The following POLR1D variants were observed in gnomAD, a reference collection of about 807,000 sequenced individuals.
The protein encoded by POLR1D is DNA-directed RNA polymerases I and III subunit RPAC2.
POLR1D carries 8 observed loss-of-function variants against 10.8 expected under a neutral mutation model. That is an observed-to-expected ratio of 0.74 (90% CI 0.43 to 1.33). The LOEUF is 1.33. POLR1D is among the 40% of genes most tolerant of loss of function. POLR1D has a pLI of 0.01. For missense variants in POLR1D, 152 were observed against 161.7 expected (o/e 0.94, Z 0.32); for synonymous variants, 54 against 57.2 (o/e 0.94, Z 0.25).
At chr13:27,658,148 T>C (rs2138569041) in intron 2 of POLR1D, among the ~76,000 whole-genome samples, 1 of 152,374 alleles carries the variant, frequency 6.6e-6, no homozygotes, top group South Asian at 2.1e-4. Context: ...TGCCCCACTA[T>C]CAGTGATTAT....
chr13:27,651,977 T>G (rs1956270880), intron 2 of POLR1D, among the ~76,000 whole-genome samples: 1 of 152,214 alleles, frequency 6.6e-6, no homozygotes, highest in African/African-American at 2.4e-5. Flanking sequence ...TCCTCTGTGC[T>G]TTACAGAAAT....
At chr13:27,625,959 C>G (rs1956004653), downstream of POLR1D, among the ~76,000 whole-genome samples, 1 of 152,058 alleles carries the variant, frequency 6.6e-6, no homozygotes, top group Non-Finnish European at 1.5e-5. Context: ...GTTTGGTTTT[C>G]CAATAAAAGA....
At chr13:27,646,824 CTG>C (rs1355380608) in intron 1 of POLR1D, among the ~76,000 whole-genome samples, 3 of 152,096 alleles carry the variant, frequency 2.0e-5, no homozygotes, top group Non-Finnish European at 4.4e-5. Context: ...ATTTAGAAGA[CTG>C]TTGTATTTAA....
downstream of POLR1D, among the ~76,000 whole-genome samples, chr13:27,627,146 A>T (rs1396407452): frequency 6.6e-6 from 1 of 152,204 alleles, no homozygotes; most frequent in African/African-American, 2.4e-5. Context: ...TAGGAAGTTT[A>T]CCCAAATCTA....
Position 27,621,924 on chromosome 13 carries a change from C to G in POLR1D, c.-60C>G. The G allele has an allele frequency of 1.3e-6, 2 of 1,551,776 alleles. No homozygotes were observed. Among genetic ancestry groups the G allele is most frequent in the South Asian group, 1.2e-5 (1 of 85,210 alleles). On this transcript the variant is annotated 5_prime_UTR_variant, in exon 1 of 2. Coordinates refer to ENST00000302979, the MANE Select transcript of POLR1D (RefSeq NM_015972.4). ...TCCTGCTTCGCCTCCGCGCCTCGCG[C>G]TATGGGACAGAGCCCCCGATCCGCC...
chr13:27,652,907 A>ACTT (rs1365436145), intron 2 of POLR1D, among the ~76,000 whole-genome samples: 3 of 78,528 alleles, frequency 3.8e-5, no homozygotes, highest in Admixed American at 1.2e-4. Flanking sequence ...TGCATTTACC[A>ACTT]TTTCTTTTTT....
chr13:27,637,140 G>C (rs887936303), intron 1 of POLR1D, among the ~76,000 whole-genome samples: 23 of 152,106 alleles, frequency 1.5e-4, no homozygotes, highest in Non-Finnish European at 3.1e-4. Flanking sequence ...ATTACTCTCT[G>C]TGGTTTCTTT....
chr13:27,646,038 A>G (rs549602396), intron 1 of POLR1D, among the ~76,000 whole-genome samples: 2 of 152,318 alleles, frequency 1.3e-5, no homozygotes, highest in Admixed American at 1.3e-4. Flanking sequence ...ATAAGTTTCT[A>G]TAGTCTGGTC....
At chr13:27,650,132 A>G (rs1282237119) in intron 2 of POLR1D, 2 of 398,144 alleles carry the variant, frequency 5.0e-6, no homozygotes, top group Non-Finnish European at 8.9e-6. Context: ...TGAAGAGGAC[A>G]TGCTACCCTC....
At chr13:27,651,087 G>A (rs1201937868) in intron 2 of POLR1D, 3 of 152,142 alleles carry the variant, frequency 2.0e-5, no homozygotes, top group Admixed American at 2.0e-4. Flanking sequence ...GATGCAAGAA[G>A]AGCAAACCAC....
chr13:27,621,730 C>T, upstream of POLR1D: 1 of 310,582 alleles, frequency 3.2e-6, no homozygotes, highest in African/African-American at 2.2e-5. Flanking sequence ...AGTGGCCTCG[C>T]GTGGTCGCCC....
chr13:27,621,913 C>T lies in POLR1D; in HGVS notation c.-71C>T, dbSNP rs1459732978. 6.0e-6 allele frequency: 9 copies of T among 1,511,610 alleles called. No homozygotes were observed. The highest frequency in any genetic ancestry group is 2.4e-5 in the South Asian group (2 of 83,980). 93.6% of individuals were successfully genotyped at this position (1,511,610 alleles called of 1,614,324 possible). A position where few individuals can be genotyped will look rare whatever the true frequency, so the allele number is the denominator to read the frequency against. The stretch of plus-strand genomic sequence containing the variant: ...CGGTCCTTGCTTCCTGCTTCGCCTC[C>T]GCGCCTCGCGCTATGGGACAGAGCC... On this transcript the variant is annotated 5_prime_UTR_variant, in exon 1 of 2. Transcript: ENST00000302979.
At chr13:27,629,558 T>C (rs1277176377) in intron 1 of POLR1D, among the ~76,000 whole-genome samples, 1 of 152,214 alleles carries the variant, frequency 6.6e-6, no homozygotes, top group Non-Finnish European at 1.5e-5. Flanking sequence ...GTGTATTTTT[T>C]TGTTTTCTTC....
chr13:27,623,846 G>C (rs183209831), downstream of POLR1D, among the ~76,000 whole-genome samples: 44 of 152,340 alleles, frequency 2.9e-4, 1 homozygote, highest in Admixed American at 2.4e-3. Flanking sequence ...CTCCATCTTT[G>C]AGGCATTTAC....
chr13:27,640,134 TA>T (rs1227944561), intron 1 of POLR1D, among the ~76,000 whole-genome samples: 1 of 152,200 alleles, frequency 6.6e-6, no homozygotes, highest in Non-Finnish European at 1.5e-5. Context: ...CTGTTACCAT[TA>T]TAATTTTTCA....
chr13:27,639,664 T>C (rs1369997790), intron 1 of POLR1D, among the ~76,000 whole-genome samples: 1 of 152,182 alleles, frequency 6.6e-6, no homozygotes, highest in Non-Finnish European at 1.5e-5. Context: ...GAAATAAGTT[T>C]TCCCTGGGAG....
chr13:27,635,595 AATAGT>A (rs1956115282), intron 1 of POLR1D, among the ~76,000 whole-genome samples: 1 of 151,772 alleles, frequency 6.6e-6, no homozygotes, highest in Non-Finnish European at 1.5e-5. Flanking sequence ...CATAACTATC[AATAGT>A]CTATCTATGA....
exon 3 of POLR1D, chr13:27,667,288 G>A (rs775956693): frequency 1.2e-4 from 18 of 152,116 alleles, no homozygotes; most frequent in Non-Finnish European, 2.2e-4. Flanking sequence ...ATCTAGTTAT[G>A]TATTGGCCTA....
chr13:27,661,102 G>A (rs12050009), intron 2 of POLR1D, among the ~76,000 whole-genome samples: 52,599 of 152,046 alleles, frequency 0.35, 9,566 homozygotes, highest in East Asian at 0.66. Flanking sequence ...TAGCCCCAGT[G>A]AGTCTTCATC....
Sources: gnomAD v4.1 joint callset for allele counts (sites outside exome capture counted in the v4.1 genomes callset) on GRCh38, gnomAD v4.1.1 for gene constraint, MANE v1.5 for transcripts, NCBI Gene and HGNC (gene_info 2026-07-23, HGNC 2026-07-21) for gene names.